Variants in CEP63 observed in about 807,000 individuals in gnomAD.
The protein encoded by CEP63 is centrosomal protein 63.
A neutral mutation model predicts 89.1 loss-of-function variants in CEP63; 84 were observed. The observed-to-expected ratio is 0.94, with a 90% CI of 0.79 to 1.13. CEP63 has a LOEUF of 1.13. Among genes scored for constraint, CEP63 ranks in the 50% most tolerant of loss-of-function variants. The pLI is 0.00. For missense variants in CEP63, 838 were observed against 813.3 expected (o/e 1.03, Z -0.37); for synonymous variants, 267 against 272.5 (o/e 0.98, Z 0.20).
the CEP63 span, among the ~76,000 whole-genome samples, chr3:134,634,459 T>G: frequency 6.6e-6 from 1 of 152,046 alleles, no homozygotes; most frequent in African/African-American, 2.4e-5. Flanking sequence ...GCAAAATAAA[T>G]TTTTACAAAA....
chr3:134,522,237 C>T (rs986367698), intron 3 of CEP63, among the ~76,000 whole-genome samples: 1 of 152,178 alleles, frequency 6.6e-6, no homozygotes, highest in Non-Finnish European at 1.5e-5. Flanking sequence ...TGAAAAGACT[C>T]AAAGTGCCAA....
chr3:134,677,142 CAGG>C, the CEP63 span, among the ~76,000 whole-genome samples: 1 of 82,356 alleles, frequency 1.2e-5, no homozygotes, highest in African/African-American at 5.3e-5. Context: ...GAAGCTGAGG[CAGG>C]AGAATTGCTT....
intron 2 of CEP63, 139 bp downstream of exon 2, chr3:134,495,503 A>G (rs1939528680): frequency 1.6e-6 from 1 of 628,504 alleles, no homozygotes; most frequent in East Asian, 2.9e-5. Flanking sequence ...CAGCTCAAGC[A>G]TTTATCATTT....
the CEP63 span, among the ~76,000 whole-genome samples, chr3:134,616,151 G>A: frequency 6.6e-6 from 1 of 152,218 alleles, no homozygotes; most frequent in Non-Finnish European, 1.5e-5. Context: ...GAGGCAAAAA[G>A]AGAGACATTA....
chr3:134,547,833 T>C (rs1244036280), intron 9 of CEP63, among the ~76,000 whole-genome samples: 1 of 152,118 alleles, frequency 6.6e-6, no homozygotes, highest in Non-Finnish European at 1.5e-5. Flanking sequence ...GGTCTTGAAC[T>C]CCTGACCTCA....
At chr3:134,543,915 A>T (rs1952603532) in intron 6 of CEP63, among the ~76,000 whole-genome samples, 1 of 152,072 alleles carries the variant, frequency 6.6e-6, no homozygotes, top group African/African-American at 2.4e-5. Context: ...GTGAATCTAA[A>T]CCTAAATGTT....
the CEP63 span, among the ~76,000 whole-genome samples, chr3:134,668,584 A>G: frequency 2.6e-5 from 4 of 152,124 alleles, no homozygotes; most frequent in Non-Finnish European, 5.9e-5. Context: ...ACAAGCCAAG[A>G]ACATATCATG....
Position 134,564,814 on chromosome 3 carries a change from G to T in CEP63, c.*3279G>T, listed in dbSNP as rs1012488632. 1.4e-5 allele frequency: 14 copies of T among 985,226 alleles called. No homozygotes were observed. In the African/African-American group the frequency reaches 2.1e-4, roughly 15 times the overall value. 61.0% of individuals were successfully genotyped at this position (985,226 alleles called of 1,614,324 possible). A position where few individuals can be genotyped will look rare whatever the true frequency, so the allele number is the denominator to read the frequency against. ...TTCTGAAACGTTTGTACTACGTGTT[G>T]ACTAGGAGGAACAATGACAGACTCT... On this transcript the variant is annotated 3_prime_UTR_variant, in exon 15 of 15. Coordinates refer to ENST00000675561, the MANE Select transcript of CEP63 (RefSeq NM_001353108.3).
chr3:134,748,013 T>C, the CEP63 span, among the ~76,000 whole-genome samples: 1 of 152,162 alleles, frequency 6.6e-6, no homozygotes, highest in Non-Finnish European at 1.5e-5. Flanking sequence ...CTCGAAATCC[T>C]GACCTTGTGA....
chr3:134,697,661 C>T, the CEP63 span, among the ~76,000 whole-genome samples: 1 of 152,182 alleles, frequency 6.6e-6, no homozygotes, highest in Non-Finnish European at 1.5e-5. Flanking sequence ...TGCTCACAGG[C>T]CTAAGCTAAT....
At chr3:134,566,147 C>G (rs1009818617), downstream of CEP63, among the ~76,000 whole-genome samples, 2 of 150,422 alleles carry the variant, frequency 1.3e-5, no homozygotes, top group African/African-American at 4.9e-5. Flanking sequence ...TTTTCCCTCT[C>G]TGTGAGGAAC....
the CEP63 span, among the ~76,000 whole-genome samples, chr3:134,638,128 T>C: frequency 2.6e-5 from 4 of 152,178 alleles, no homozygotes; most frequent in African/African-American, 9.7e-5. Flanking sequence ...TCTCACTTAC[T>C]GTTGTGTGAG....
intron 10 of CEP63, among the ~76,000 whole-genome samples, chr3:134,580,381 C>CT (rs33999053): frequency 0.32 from 48,831 of 150,780 alleles, 7,442 homozygotes; most frequent in African/African-American, 0.4. Flanking sequence ...CTGTACAACT[C>CT]TAAGAATTTA....
chr3:134,526,838 C>T (rs1047659429), intron 3 of CEP63, among the ~76,000 whole-genome samples: 4 of 151,650 alleles, frequency 2.6e-5, no homozygotes, highest in African/African-American at 7.3e-5. Context: ...AAGGTGGATT[C>T]AGCCAACTGG....
the CEP63 span, among the ~76,000 whole-genome samples, chr3:134,634,470 G>A: frequency 6.6e-6 from 1 of 152,210 alleles, no homozygotes; most frequent in African/African-American, 2.4e-5. Flanking sequence ...TTTTACAAAA[G>A]TGCAAAGACA....
At chr3:134,735,551 G>A in the CEP63 span, among the ~76,000 whole-genome samples, 9 of 152,032 alleles carry the variant, frequency 5.9e-5, no homozygotes, top group Admixed American at 3.9e-4. Context: ...ATAGTATGAC[G>A]GTTGAGACAA....
At chr3:134,485,986 G>T (rs1935134290), upstream of CEP63, 1 of 856,438 alleles carries the variant, frequency 1.2e-6, no homozygotes, top group Non-Finnish European at 1.3e-6. Flanking sequence ...GCTTGCTCCT[G>T]CCACGCCCCC....
At chr3:134,654,978 C>A in the CEP63 span, among the ~76,000 whole-genome samples, 1,163 of 152,334 alleles carry the variant, frequency 7.6e-3, 13 homozygotes, top group African/African-American at 0.027. Context: ...TATCAATCCC[C>A]TCTGGAGCAG....
At chr3:134,527,874 C>T (rs1418131116) in intron 3 of CEP63, among the ~76,000 whole-genome samples, 5 of 152,164 alleles carry the variant, frequency 3.3e-5, no homozygotes, top group Non-Finnish European at 5.9e-5. Context: ...CTGCAGAGTT[C>T]GGGTCCAACA....
Sources: gnomAD v4.1 joint callset for allele counts (sites outside exome capture counted in the v4.1 genomes callset) on GRCh38, gnomAD v4.1.1 for gene constraint, MANE v1.5 for transcripts, NCBI Gene and HGNC (gene_info 2026-07-23, HGNC 2026-07-21) for gene names.